GPC6: variants seen among roughly 807,000 people sequenced by gnomAD.
GPC6 encodes the protein glypican 6.
In GPC6, 14 loss-of-function variants were observed where a neutral mutation model predicts 55.2. The observed-to-expected ratio is 0.25, with a 90% CI of 0.17 to 0.40. The LOEUF (loss-of-function observed/expected upper bound fraction) is 0.40, where lower values mean the gene tolerates loss of function less well. Among genes scored for constraint, GPC6 ranks in the 10% least tolerant of loss-of-function variants. The pLI is 1.00. For synonymous variants in GPC6, 278 were observed against 259.6 expected (o/e 1.07, Z -0.68); for missense variants, 641 against 708.5 (o/e 0.90, Z 1.08).
chr13:94,244,278 T>C (rs1891136419), intron 4 of GPC6, among the ~76,000 whole-genome samples: 1 of 152,148 alleles, frequency 6.6e-6, no homozygotes. Flanking sequence ...AGCTTAATTA[T>C]GTCCGCATTA....
intron 4 of GPC6, among the ~76,000 whole-genome samples, chr13:94,164,977 A>G (rs1888301596): frequency 2.6e-5 from 4 of 151,766 alleles, no homozygotes; most frequent in Admixed American, 6.6e-5. Flanking sequence ...GCACTATGGA[A>G]CAGAGTGTGG....
chr13:94,023,764 T>C (rs1882791274), intron 3 of GPC6, among the ~76,000 whole-genome samples: 1 of 151,880 alleles, frequency 6.6e-6, no homozygotes, highest in Non-Finnish European at 1.5e-5. Flanking sequence ...TAAATTCTGA[T>C]ACATCCAAAT....
At chr13:94,136,853 A>G (rs1392318383) in intron 4 of GPC6, among the ~76,000 whole-genome samples, 1 of 152,248 alleles carries the variant, frequency 6.6e-6, no homozygotes, top group Non-Finnish European at 1.5e-5. Context: ...AGAAAACACT[A>G]ACTTTGCAGA....
chr13:93,347,930 C>A (rs1404303980), intron 1 of GPC6, among the ~76,000 whole-genome samples: 7 of 152,102 alleles, frequency 4.6e-5, no homozygotes, highest in Admixed American at 4.6e-4. Context: ...CCAGTGTGGG[C>A]AAAGCTTCAG....
chr13:93,681,745 C>A (rs1000721550), intron 2 of GPC6, among the ~76,000 whole-genome samples: 1 of 152,108 alleles, frequency 6.6e-6, no homozygotes, highest in Non-Finnish European at 1.5e-5. Context: ...TATGAGCTGA[C>A]TTATTGGAAA....
intron 5 of GPC6, among the ~76,000 whole-genome samples, chr13:94,296,189 T>C (rs550068229): frequency 6.6e-6 from 1 of 152,308 alleles, no homozygotes; most frequent in East Asian, 1.9e-4. Flanking sequence ...CGCGAACTAG[T>C]TTTAACTTTC....
intron 1 of GPC6, among the ~76,000 whole-genome samples, chr13:93,293,785 G>T (rs1878391827): frequency 6.6e-6 from 1 of 151,936 alleles, no homozygotes; most frequent in Admixed American, 6.6e-5. Flanking sequence ...TTAGTACACA[G>T]AGTTCTGGTG....
chr13:93,692,155 G>A (rs1161632962), intron 2 of GPC6, among the ~76,000 whole-genome samples: 1 of 151,992 alleles, frequency 6.6e-6, no homozygotes, highest in African/African-American at 2.4e-5. Flanking sequence ...TGATTTTTCT[G>A]CTTCACTGTG....
chr13:93,999,877 A>G (rs1290350409), intron 3 of GPC6, among the ~76,000 whole-genome samples: 2 of 152,296 alleles, frequency 1.3e-5, no homozygotes, highest in Admixed American at 6.5e-5. Context: ...ACATTTATAC[A>G]TTATTGGCAT....
chr13:94,303,765 C>CA (rs11300129), intron 5 of GPC6, among the ~76,000 whole-genome samples: 3,514 of 98,166 alleles, frequency 0.036, 59 homozygotes, highest in Admixed American at 0.07. Flanking sequence ...TAACTCCCTC[C>CA]AAAAAAAAAA....
chr13:93,520,424 G>T (rs1191166648), intron 1 of GPC6, among the ~76,000 whole-genome samples: 1 of 151,794 alleles, frequency 6.6e-6, no homozygotes, highest in African/African-American at 2.4e-5. Context: ...TCAAAAAAAT[G>T]CATTAATGTT....
At chr13:93,333,334 C>T (rs1879920104) in intron 1 of GPC6, among the ~76,000 whole-genome samples, 2 of 152,082 alleles carry the variant, frequency 1.3e-5, no homozygotes, top group African/African-American at 4.8e-5. Context: ...TCCATGAACA[C>T]ATAATATCCT....
chr13:94,281,608 G>C (rs1184795787), intron 4 of GPC6, among the ~76,000 whole-genome samples: 2 of 152,034 alleles, frequency 1.3e-5, no homozygotes, highest in Non-Finnish European at 2.9e-5. Flanking sequence ...TATATTCTAG[G>C]GGAAGGTAAA....
intron 4 of GPC6, among the ~76,000 whole-genome samples, chr13:94,058,560 C>T (rs1566348913): frequency 1.3e-5 from 2 of 152,068 alleles, no homozygotes; most frequent in Non-Finnish European, 2.9e-5. Context: ...AAAGCCAAGC[C>T]CAGACCAAGT....
chr13:93,863,629 G>T (rs1888878771), intron 3 of GPC6, among the ~76,000 whole-genome samples: 1 of 151,464 alleles, frequency 6.6e-6, no homozygotes. Context: ...TCCATCACTG[G>T]ACCTTCATAA....
At chr13:93,640,971 CTG>C (rs1255357800) in intron 2 of GPC6, among the ~76,000 whole-genome samples, 1 of 151,376 alleles carries the variant, frequency 6.6e-6, no homozygotes, top group Non-Finnish European at 1.5e-5. Flanking sequence ...CATTTGAATC[CTG>C]TGTGTTCATT....
At chr13:93,441,405 T>C (rs1178437549) in intron 1 of GPC6, among the ~76,000 whole-genome samples, 1 of 152,178 alleles carries the variant, frequency 6.6e-6, no homozygotes, top group Admixed American at 6.5e-5. Flanking sequence ...TGTGAGATGG[T>C]ATCTCATTGT....
Position 93,835,340 on chromosome 13 carries a change from A to C in GPC6, c.711+4795A>C, listed in dbSNP as rs189379694. On this transcript the variant is annotated intron_variant, in intron 3 of 8. Coordinates refer to ENST00000377047, the MANE Select transcript of GPC6 (RefSeq NM_005708.5). ...CATGGTGGCATGCACCTGTAGTTCC[A>C]GCTATTTGAGAGGCTGCAGTGGGAG... Among the ~76,000 whole-genome samples, 622 of 152,260 alleles carry C rather than the reference A, an allele frequency of 4.1e-3. 5 individuals carry two copies. The highest frequency in any genetic ancestry group is 0.014 in the African/African-American group (590 of 41,554).
At chr13:94,064,244 GTCTA>G (rs967412031) in intron 4 of GPC6, among the ~76,000 whole-genome samples, 2 of 152,148 alleles carry the variant, frequency 1.3e-5, no homozygotes, top group African/African-American at 4.8e-5. Flanking sequence ...ATTTCAGTTC[GTCTA>G]TCTAAAACAT....
Sources: gnomAD v4.1 joint callset for allele counts (sites outside exome capture counted in the v4.1 genomes callset) on GRCh38, gnomAD v4.1.1 for gene constraint, MANE v1.5 for transcripts, NCBI Gene and HGNC (gene_info 2026-07-23, HGNC 2026-07-21) for gene names.